Variants in BCAR3 observed in about 807,000 individuals in gnomAD.
BCAR3 encodes BCAR3 adaptor protein, NSP family member.
BCAR3 carries 37 observed loss-of-function variants against 80.1 expected under a neutral mutation model. The observed-to-expected ratio is 0.46, with a 90% CI of 0.36 to 0.61. BCAR3 has a LOEUF of 0.61. Ranked by LOEUF, BCAR3 falls within the 20% of genes least tolerant of loss-of-function variation. The pLI, the probability that BCAR3 is intolerant of heterozygous loss-of-function variation, is 0.00. For synonymous variants in BCAR3, 389 were observed against 418.9 expected (o/e 0.93, Z 0.87); for missense variants, 978 against 1,068.2 (o/e 0.92, Z 1.18).
At chr1:93,676,721 C>T (rs1411949554) in intron 1 of BCAR3, among the ~76,000 whole-genome samples, 2 of 152,242 alleles carry the variant, frequency 1.3e-5, no homozygotes, top group Non-Finnish European at 2.9e-5. Context: ...CCTACACACA[C>T]ACATACACAC....
chr1:93,649,119 C>CA (rs1164442179), intron 2 of BCAR3, among the ~76,000 whole-genome samples: 1 of 152,206 alleles, frequency 6.6e-6, no homozygotes, highest in African/African-American at 2.4e-5. Flanking sequence ...CTGCTGGAAG[C>CA]AAAGGGCCCT....
chr1:93,640,435 C>A (rs1675944098), intron 3 of BCAR3, among the ~76,000 whole-genome samples: 1 of 152,096 alleles, frequency 6.6e-6, no homozygotes, highest in Non-Finnish European at 1.5e-5. Context: ...AAAAGTGGTG[C>A]ATTCAGGAAG....
intron 2 of BCAR3, among the ~76,000 whole-genome samples, chr1:93,840,765 CAGTT>C (rs1282141006): frequency 1.3e-5 from 2 of 152,184 alleles, no homozygotes; most frequent in African/African-American, 2.4e-5. Context: ...AATTACAAAA[CAGTT>C]AGAAAGCACG....
At chr1:93,621,814 C>T (rs551307012) in intron 3 of BCAR3, among the ~76,000 whole-genome samples, 1 of 152,282 alleles carries the variant, frequency 6.6e-6, no homozygotes, top group East Asian at 1.9e-4. Context: ...TCACAGATAT[C>T]GTTTCACCTC....
At chr1:93,585,850 C>G (rs1365185188) in intron 5 of BCAR3, among the ~76,000 whole-genome samples, 1 of 152,130 alleles carries the variant, frequency 6.6e-6, no homozygotes, top group South Asian at 2.1e-4. Context: ...GCAATCCTCC[C>G]ACCTCAGCCT....
At chr1:93,845,297 C>G (rs1655109074) in intron 2 of BCAR3, among the ~76,000 whole-genome samples, 1 of 151,840 alleles carries the variant, frequency 6.6e-6, no homozygotes, top group African/African-American at 2.4e-5. Context: ...AGTGGAGACC[C>G]TGAGATGCCA....
chr1:93,807,123 T>C (rs1195449213), intron 2 of BCAR3, among the ~76,000 whole-genome samples: 1 of 151,576 alleles, frequency 6.6e-6, no homozygotes, highest in African/African-American at 2.4e-5. Context: ...AAAAAAATAG[T>C]AGAATTTTCT....
chr1:93,609,704 G>A (rs754993605), intron 3 of BCAR3, among the ~76,000 whole-genome samples: 5 of 152,176 alleles, frequency 3.3e-5, no homozygotes, highest in Non-Finnish European at 7.3e-5. Context: ...ACCTGGGGGC[G>A]GGCCTGCCAG....
At chr1:93,595,312 G>C (rs765458720) in intron 3 of BCAR3, among the ~76,000 whole-genome samples, 1 of 152,218 alleles carries the variant, frequency 6.6e-6, no homozygotes, top group Non-Finnish European at 1.5e-5. Flanking sequence ...GGGAAGGAGG[G>C]AAAGAGAGAG....
chr1:93,610,358 G>C (rs999652557), intron 3 of BCAR3, among the ~76,000 whole-genome samples: 1 of 152,166 alleles, frequency 6.6e-6, no homozygotes, highest in Non-Finnish European at 1.5e-5. Flanking sequence ...CTATCTCTGA[G>C]CTACTGGGTC....
chr1:93,618,152 T>G (rs1675195947), intron 3 of BCAR3, among the ~76,000 whole-genome samples: 1 of 152,230 alleles, frequency 6.6e-6, no homozygotes, highest in East Asian at 1.9e-4. Flanking sequence ...TATGCAAATC[T>G]GATTGATTTC....
chr1:93,716,641 G>A (rs562877276), intron 2 of BCAR3, among the ~76,000 whole-genome samples: 2 of 152,326 alleles, frequency 1.3e-5, no homozygotes, highest in South Asian at 4.1e-4. Context: ...ACAACCAAGA[G>A]GAATGCCGAG....
intron 2 of BCAR3, among the ~76,000 whole-genome samples, chr1:93,845,314 C>T (rs1655110883): frequency 6.6e-6 from 1 of 151,736 alleles, no homozygotes; most frequent in Admixed American, 6.6e-5. Flanking sequence ...GCCACCAGTG[C>T]CTGGCATATT....
At chr1:93,778,491 A>G (rs1652651860) in intron 2 of BCAR3, among the ~76,000 whole-genome samples, 1 of 152,164 alleles carries the variant, frequency 6.6e-6, no homozygotes, top group Admixed American at 6.5e-5. Flanking sequence ...CAATATTATT[A>G]CCAGCAATCT....
chr1:93,761,360 G>A (rs1420849579), intron 2 of BCAR3, among the ~76,000 whole-genome samples: 2 of 152,154 alleles, frequency 1.3e-5, no homozygotes, highest in East Asian at 3.9e-4. Flanking sequence ...GGCCTCCTGA[G>A]GCTGAAGCTC....
At chr1:93,747,754 A>G (rs1011347962) in intron 2 of BCAR3, among the ~76,000 whole-genome samples, 1 of 151,740 alleles carries the variant, frequency 6.6e-6, no homozygotes, top group Admixed American at 6.5e-5. Flanking sequence ...CTTTGAGGAT[A>G]AAATCTAAAC....
At chr1:93,787,753 G>T (rs918220822) in intron 2 of BCAR3, among the ~76,000 whole-genome samples, 1 of 152,174 alleles carries the variant, frequency 6.6e-6, no homozygotes, top group Non-Finnish European at 1.5e-5. Flanking sequence ...CTTGGAGAAT[G>T]TTCCACGTGC....
chr1:93,567,846 T>A lies in BCAR3; in HGVS notation c.1980A>T (p.Thr660=), dbSNP rs3754188. The change falls in exon 10 of 12, where the codon ACA becomes ACT. Residue 660 remains threonine (T), a synonymous_variant. Coordinates refer to ENST00000260502, the MANE Select transcript of BCAR3 (RefSeq NM_003567.4). The part of the protein sequence containing the change: ...LMKALEMPQI[T]RLEKTWTALR... ...GAGCAGTCCACGTCTTTTCTAACCT[T>A]GTGATCTGGAAGAAAGGTGGTGTTT... The A allele has an allele frequency of 6.2e-7, 1 of 1,612,642 alleles. No individual in the cohort carries two copies. Among genetic ancestry groups the A allele is most frequent in the East Asian group, 2.2e-5 (1 of 44,882 alleles).
intron 9 of BCAR3, among the ~76,000 whole-genome samples, chr1:93,568,645 A>G (rs1300076387): frequency 3.3e-5 from 5 of 152,232 alleles, no homozygotes; most frequent in Non-Finnish European, 7.3e-5. Context: ...ATTCCTGTCT[A>G]TACGCACACC....
Sources: allele counts gnomAD v4.1 joint callset (sites outside exome capture counted in the v4.1 genomes callset), GRCh38; gene constraint gnomAD v4.1.1; transcripts MANE v1.5; gene names NCBI Gene and HGNC (gene_info 2026-07-23, HGNC 2026-07-21).